DCLK3: variants seen among roughly 807,000 people sequenced by gnomAD.
DCLK3 encodes serine/threonine-protein kinase DCLK3.
A neutral mutation model predicts 46.4 loss-of-function variants in DCLK3; 30 were observed. The observed-to-expected ratio is 0.65, with a 90% CI of 0.48 to 0.88. The LOEUF (loss-of-function observed/expected upper bound fraction) is 0.88, where lower values mean the gene tolerates loss of function less well. Ranked by LOEUF, DCLK3 falls within the 40% of genes least tolerant of loss-of-function variation. The pLI is 0.00. For missense variants in DCLK3, 846 were observed against 907.1 expected (o/e 0.93, Z 0.87); for synonymous variants, 401 against 339.2 (o/e 1.18, Z -2.00).
chr3:36,715,367 G>A lies in DCLK3; in HGVS notation c.2415C>T (p.Phe805=). 5 of 1,614,122 alleles carry A rather than the reference G, an allele frequency of 3.1e-6. No homozygotes were observed. Among genetic ancestry groups the A allele is most frequent in the Non-Finnish European group, 3.4e-6 (4 of 1,180,008 alleles). The stretch of plus-strand genomic sequence containing the variant: ...CCACAACCCTCTTGTGCTGGCTCCG[G>A]AAGTGACCCTCGCTGCTGGGGGACA... ...KQVSPSSEGH[F]RSQHKRVVEQ... The change falls in exon 5 of 5, where the codon TTC becomes TTT. Residue 805 remains phenylalanine (F), a synonymous_variant. Transcript: ENST00000636136.
intron 4 of DCLK3, among the ~76,000 whole-genome samples, chr3:36,717,370 G>T (rs548650589): frequency 1.3e-5 from 2 of 152,304 alleles, no homozygotes; most frequent in South Asian, 4.1e-4. Context: ...AAAGTGCTAG[G>T]ATTATAGGTA....
Position 36,715,419 on chromosome 3 carries a change from G to A in DCLK3, c.2363C>T (p.Thr788Ile). Residue 788 changes from threonine (T) to isoleucine (I), a missense_variant, in exon 5 of 5, where the codon ACC becomes ATC. By Grantham distance (89) the Thr-to-Ile change is moderately conservative. Transcript: ENST00000636136. ...QHPWIETAGK[T>I]NTVKRQKQVS... ...CTGCTTCTGTCGTTTCACTGTATTG[G>A]TCTTGCCAGCTGTTTCGATCCAGGG... 2.5e-6 allele frequency: 4 copies of A among 1,613,992 alleles called. No homozygotes were observed. Among genetic ancestry groups the A allele is most frequent in the Non-Finnish European group, 2.5e-6 (3 of 1,179,950 alleles).
Position 36,738,229 on chromosome 3 carries a change from C to G in DCLK3, c.938G>C (p.Arg313Thr), listed in dbSNP as rs764980725. 14 of 1,595,672 alleles carry G rather than the reference C, an allele frequency of 8.8e-6. No homozygotes were observed. The highest frequency in any genetic ancestry group is 3.4e-4 in the Middle Eastern group (2 of 5,936). The change falls in exon 2 of 5, where the codon AGA becomes ACA. Residue 313 changes from arginine to threonine, a missense_variant. Physicochemically the swap from Arg to Thr is moderately conservative, Grantham distance 71. Around this residue, in one of 3 missense-constraint regions of DCLK3, gnomAD observed 553 missense variants for 543.0 expected, o/e 1.02. Coordinates refer to ENST00000636136, the MANE Select transcript of DCLK3 (RefSeq NM_001394672.2). ...CAGGCTCTGCTGGAGCTCCCTCTCT[C>G]TCTTGCACTTCTCGCATCTGATAAT... ...GEIIRCEKCK[R>T]ERELQQSLER...
rs1184958860 is a variant in DCLK3, at chr3:36,737,518, G to A, written c.1649C>T (p.Ala550Val). 14 of 1,614,000 alleles carry A rather than the reference G, an allele frequency of 8.7e-6. No homozygotes were observed. The Admixed American group carries it at 2.3e-4, about 27-fold the overall frequency. ...CTTGTCAATGATCTTCATCGCATAG[G>A]CCTGCCTGGTCTCGCGGTGTCTGCA... The part of the protein sequence containing the change: ...KECRHRETRQ[A>V]YAMKIIDKSR... Residue 550 changes from alanine (A) to valine (V), a missense_variant, in exon 2 of 5, where the codon GCC (alanine) becomes GTC (valine). Ala to Val is a moderately conservative substitution (Grantham distance 64, BLOSUM62 0). Around this residue, in one of 3 missense-constraint regions of DCLK3, gnomAD observed 247 missense variants for 322.8 expected, o/e 0.77. Coordinates refer to ENST00000636136, the MANE Select transcript of DCLK3 (RefSeq NM_001394672.2). This position sits in a 1 kb window ranked among gnomAD's most constrained non-coding sequence, Gnocchi z 4.4.
chr3:36,720,535 A>C (rs1701041900), intron 3 of DCLK3, among the ~76,000 whole-genome samples: 6 of 111,372 alleles, frequency 5.4e-5, no homozygotes, highest in African/African-American at 1.7e-4. Flanking sequence ...ATGAAGTTTC[A>C]CTCTTGTTGC....
chr3:36,735,772 T>C (rs968160185), intron 2 of DCLK3, among the ~76,000 whole-genome samples: 1 of 152,230 alleles, frequency 6.6e-6, no homozygotes, highest in African/African-American at 2.4e-5. Flanking sequence ...ATAATAGTGA[T>C]AGTCTCTGCC....
intron 1 of DCLK3, among the ~76,000 whole-genome samples, chr3:36,761,888 C>T (rs1038476968): frequency 1.3e-5 from 2 of 152,112 alleles, no homozygotes; most frequent in African/African-American, 4.8e-5. Flanking sequence ...CCTTTGTTGG[C>T]TTTAGAAAGA....
intron 1 of DCLK3, among the ~76,000 whole-genome samples, chr3:36,752,897 C>T (rs887246023): frequency 2.0e-5 from 3 of 152,092 alleles, no homozygotes; most frequent in African/African-American, 7.2e-5. Flanking sequence ...TTGAGCCTAC[C>T]ACAGTGGCAT....
At position 36,737,203 on chromosome 3, in the gene DCLK3, C is replaced by G; in HGVS notation, c.1959+5G>C. The G allele has an allele frequency of 6.2e-7, 1 of 1,610,734 alleles. No individual in the cohort carries two copies. The highest frequency in any genetic ancestry group is 8.5e-7 in the Non-Finnish European group (1 of 1,177,628). On this transcript the variant is annotated splice_donor_5th_base_variant and intron_variant, in intron 2 of 4. Coordinates refer to ENST00000636136, the MANE Select transcript of DCLK3 (RefSeq NM_001394672.2). The surrounding 1 kb of genome is among the most constrained non-coding windows in gnomAD (Gnocchi z 4.4). ...TCTCCCATATCATCAAAAGTCAAGG[C>G]TTACCAAAAGGTTTTCCGGCTTGAG...
intron 1 of DCLK3, among the ~76,000 whole-genome samples, chr3:36,743,319 T>C (rs1282931011): frequency 1.8e-5 from 2 of 111,000 alleles, no homozygotes; most frequent in Non-Finnish European, 4.1e-5. Flanking sequence ...TAAAACAAAA[T>C]AAAATAAAAT....
chr3:36,734,497 C>CA (rs552688798), intron 2 of DCLK3, among the ~76,000 whole-genome samples: 5 of 151,726 alleles, frequency 3.3e-5, no homozygotes, highest in African/African-American at 4.8e-5. Context: ...CATACCACCA[C>CA]AAAAAAAGTT....
At chr3:36,734,531 T>C (rs993097935) in intron 2 of DCLK3, among the ~76,000 whole-genome samples, 9 of 152,124 alleles carry the variant, frequency 5.9e-5, no homozygotes, top group African/African-American at 2.2e-4. Flanking sequence ...TATATATATA[T>C]GGACTATATA....
chr3:36,740,639 G>A (rs1490620969), intron 1 of DCLK3, among the ~76,000 whole-genome samples: 1 of 152,176 alleles, frequency 6.6e-6, no homozygotes, highest in Non-Finnish European at 1.5e-5. Context: ...TAAAACAGGT[G>A]AGGCAGGAGT....
rs1700923379 is a variant in DCLK3 at position 36,712,570 on chromosome 3, A to T, written c.*2758T>A. ...GAACACGTCCCTCTTCCCCAAAGTT[A>T]CCAAGTGTTCCCTTGCAATCCTTCT... On this transcript the variant is annotated 3_prime_UTR_variant, in exon 5 of 5. Transcript: ENST00000636136. The T allele has an allele frequency of 6.6e-6, 1 of 152,208 alleles. No individual in the cohort carries two copies. Among genetic ancestry groups the T allele is most frequent in the African/African-American group, 2.4e-5 (1 of 41,454 alleles). 9.4% of individuals were successfully genotyped at this position (152,208 alleles called of 1,614,324 possible).
chr3:36,715,438 T>C lies in DCLK3; in HGVS notation c.2344A>G (p.Ile782Val), dbSNP rs1700964970. Residue 782 changes from isoleucine to valine, a missense_variant, in exon 5 of 5, where the codon ATC becomes GTC. Physicochemically the swap from Ile to Val is conservative, Grantham distance 29. Coordinates refer to ENST00000636136, the MANE Select transcript of DCLK3 (RefSeq NM_001394672.2). ...GTATTGGTCTTGCCAGCTGTTTCGA[T>C]CCAGGGGTGCTGAAGAACCTGATGA... ...TAHQVLQHPW[I>V]ETAGKTNTVK... The C allele has an allele frequency of 6.2e-7, 1 of 1,613,148 alleles. No homozygotes were observed. The highest frequency in any genetic ancestry group is 8.5e-7 in the Non-Finnish European group (1 of 1,179,632).
chr3:36,756,999 A>G (rs1701491382), intron 1 of DCLK3, among the ~76,000 whole-genome samples: 1 of 151,994 alleles, frequency 6.6e-6, no homozygotes, highest in Non-Finnish European at 1.5e-5. Context: ...TAAGTTTCTC[A>G]AGTGGGAACA....
In DCLK3 at chr3:36,739,059, A is replaced by G. The variant is rs1274199231; in HGVS notation, c.108T>C (p.Ser36=). 2.5e-6 allele frequency: 1 copy of G among 398,714 alleles called. No homozygotes were observed. Among genetic ancestry groups the G allele is most frequent in the East Asian group, 3.6e-5 (1 of 28,084 alleles). 24.7% of individuals were successfully genotyped at this position (398,714 alleles called of 1,614,324 possible). The change falls in exon 2 of 5, where the codon TCT becomes TCC. Residue 36 remains serine, a synonymous_variant. Transcript: ENST00000636136. Reference sequence around the variant, plus strand: ...TGATTCTCGAGCTTAAATATTTTAGAGAATGGTCACATAGGCCTTGCTGTC... The same window carrying G: ...TGATTCTCGAGCTTAAATATTTTAGGGAATGGTCACATAGGCCTTGCTGTC... The part of the protein sequence containing the change: ...APGQQGLCDH[S]LKYLSSRITE...
At position 36,715,124 on chromosome 3, in the gene DCLK3, C is replaced by T. The variant is rs1166437650; in HGVS notation, c.*204G>A. The T allele has an allele frequency of 1.6e-6, 1 of 622,326 alleles. No homozygotes were observed. The highest frequency in any genetic ancestry group is 3.2e-5 in the East Asian group (1 of 31,524). 38.6% of individuals were successfully genotyped at this position (622,326 alleles called of 1,614,324 possible). ...TTACCCCCCAAAAATGTATTAAAGG[C>T]TTTAAATATACAAATCTAAAAATAT... On this transcript the variant is annotated 3_prime_UTR_variant, in exon 5 of 5. Coordinates refer to ENST00000636136, the MANE Select transcript of DCLK3 (RefSeq NM_001394672.2).
In DCLK3 at chr3:36,764,404, G is replaced by A. The variant is rs912845602; in HGVS notation, c.-141C>T. 2.4e-5 allele frequency: 4 copies of A among 168,438 alleles called. No individual in the cohort carries two copies. The highest frequency in any genetic ancestry group is 3.8e-5 in the Non-Finnish European group (3 of 79,310). The allele number at this position is 168,438 out of a possible 1,614,324, so 10.4% of individuals were successfully genotyped here. ...CGACTCTCCCTCTTCTCTCCCTCCC[G>A]CCGCCCGCCGCCCGCCTGCCAGCCC... is the stretch of plus-strand genomic sequence containing the variant. On this transcript the variant is annotated 5_prime_UTR_variant, in exon 1 of 5. Coordinates refer to ENST00000636136, the MANE Select transcript of DCLK3 (RefSeq NM_001394672.2). The surrounding 1 kb of genome is among the most constrained non-coding windows in gnomAD (Gnocchi z 4.9).
Sources: gnomAD v4.1 joint callset for allele counts (sites outside exome capture counted in the v4.1 genomes callset) on GRCh38, gnomAD v4.1.1 for gene constraint, gnomAD v4.1.1 regional missense constraint, Gnocchi (gnomAD v3.1) non-coding constraint, MANE v1.5 for transcripts, NCBI Gene and HGNC (gene_info 2026-07-23, HGNC 2026-07-21) for gene names.